PHF21A: variants seen among roughly 807,000 people sequenced by gnomAD.
PHF21A encodes the protein BHC80a.
A neutral mutation model predicts 82.5 loss-of-function variants in PHF21A; 11 were observed. The ratio of observed to expected loss-of-function variants is 0.13; its 90% CI spans 0.08 to 0.22. The LOEUF is 0.22. Ranked by LOEUF, PHF21A falls within the 10% of genes least tolerant of loss-of-function variation. The pLI is 1.00. For synonymous variants in PHF21A, 297 were observed against 302.8 expected, an observed-to-expected ratio of 0.98 and a Z score of 0.20; for missense variants, 579 against 837.8, an observed-to-expected ratio of 0.69 and a Z score of 3.81.
At chr11:46,106,268 A>C (rs1014691340) in intron 1 of PHF21A, among the ~76,000 whole-genome samples, 2 of 152,192 alleles carry the variant, frequency 1.3e-5, no homozygotes, top group Non-Finnish European at 2.9e-5. Flanking sequence ...CTTTATACCA[A>C]GTTGTCAATT....
At chr11:46,100,866 G>C (rs145167196) in intron 1 of PHF21A, among the ~76,000 whole-genome samples, 1 of 152,310 alleles carries the variant, frequency 6.6e-6, no homozygotes, top group East Asian at 1.9e-4. Context: ...CACATAGCAA[G>C]TTTCTAACCA....
intron 1 of PHF21A, among the ~76,000 whole-genome samples, chr11:46,116,226 T>C (rs927623388): frequency 8.5e-5 from 13 of 152,208 alleles, no homozygotes; most frequent in Non-Finnish European, 1.2e-4. Flanking sequence ...TAGATTTGAG[T>C]AGTCATTTCC....
intron 1 of PHF21A, among the ~76,000 whole-genome samples, chr11:46,099,596 T>C (rs1326619873): frequency 6.7e-6 from 1 of 148,498 alleles, no homozygotes; most frequent in Non-Finnish European, 1.5e-5. Context: ...AAGGGAATGA[T>C]ACTCTTTCAC....
At chr11:46,120,229 T>C (rs1228622232) in intron 1 of PHF21A, among the ~76,000 whole-genome samples, 3 of 146,728 alleles carry the variant, frequency 2.0e-5, no homozygotes, top group Admixed American at 1.3e-4. Context: ...ACAAACAAGA[T>C]GGTTTTCCAA....
intron 9 of PHF21A, among the ~76,000 whole-genome samples, chr11:45,965,824 T>G (rs533793920): frequency 7.2e-5 from 11 of 152,188 alleles, no homozygotes; most frequent in Non-Finnish European, 8.8e-5. Flanking sequence ...CTTTTGATTC[T>G]AAACCCTGAG....
intron 10 of PHF21A, among the ~76,000 whole-genome samples, chr11:45,963,798 G>A (rs1357050227): frequency 6.6e-6 from 1 of 152,126 alleles, no homozygotes; most frequent in Non-Finnish European, 1.5e-5. Flanking sequence ...CAAAACAACA[G>A]GTCCCCACCC....
At chr11:45,936,431 C>A in intron 17 of PHF21A, 63 bp downstream of exon 17, 1 of 924,842 alleles carries the variant, frequency 1.1e-6, no homozygotes. Context: ...AAAACAAATA[C>A]TGCCAGTATT....
At chr11:46,069,560 A>T (rs2096632610) in intron 6 of PHF21A, among the ~76,000 whole-genome samples, 1 of 152,224 alleles carries the variant, frequency 6.6e-6, no homozygotes, top group African/African-American at 2.4e-5. Context: ...GATCTAACTT[A>T]CTTATTTGAC....
At chr11:46,100,463 A>G (rs1262518543) in intron 1 of PHF21A, among the ~76,000 whole-genome samples, 1 of 152,036 alleles carries the variant, frequency 6.6e-6, no homozygotes, top group Non-Finnish European at 1.5e-5. Context: ...TTATTTTAGA[A>G]AGGTTTTGCT....
intron 1 of PHF21A, among the ~76,000 whole-genome samples, chr11:46,106,071 G>A (rs1178069761): frequency 6.6e-6 from 1 of 152,196 alleles, no homozygotes; most frequent in Non-Finnish European, 1.5e-5. Context: ...AATGAAAACA[G>A]GAACTATTGC....
intron 6 of PHF21A, among the ~76,000 whole-genome samples, chr11:46,064,189 T>C (rs1474388734): frequency 6.6e-6 from 1 of 152,198 alleles, no homozygotes; most frequent in Non-Finnish European, 1.5e-5. Context: ...TAATAATCAT[T>C]CACTGTTCAT....
intron 1 of PHF21A, among the ~76,000 whole-genome samples, chr11:46,105,039 C>T (rs2097138619): frequency 6.6e-6 from 1 of 152,180 alleles, no homozygotes; most frequent in African/African-American, 2.4e-5. Context: ...TCAGGCACTT[C>T]TACTAGTTTA....
At chr11:46,012,814 A>G (rs2095437849) in intron 6 of PHF21A, among the ~76,000 whole-genome samples, 1 of 152,170 alleles carries the variant, frequency 6.6e-6, no homozygotes, top group Non-Finnish European at 1.5e-5. Context: ...TCTCATCTTA[A>G]TGATACCCTA....
chr11:46,120,872 C>T (rs952921948), intron 1 of PHF21A, 63 bp downstream of exon 1: 6 of 152,372 alleles, frequency 3.9e-5, no homozygotes, highest in African/African-American at 1.5e-4. Context: ...TAGAGCTACT[C>T]CAGAAAAAAA....
chr11:45,939,693 G>C (rs1430918205), intron 15 of PHF21A, among the ~76,000 whole-genome samples: 2 of 143,360 alleles, frequency 1.4e-5, no homozygotes, highest in Non-Finnish European at 3.0e-5. Flanking sequence ...ACTCAGGTAA[G>C]TCTGCTGGAG....
At position 45,970,022 on chromosome 11, in the gene PHF21A, TA is replaced by T. The variant is rs150297594; in HGVS notation, c.613-119del. The T allele has an allele frequency of 2.0e-3, 1,549 of 759,574 alleles. 15 individuals are homozygous for T. In the African/African-American group the frequency reaches 0.024, roughly 12 times the overall value. The allele number at this position is 759,574 out of a possible 1,614,324, so 47.1% of individuals were successfully genotyped here. A position where few individuals can be genotyped will look rare whatever the true frequency, so the allele number is the denominator to read the frequency against. On this transcript the variant is annotated intron_variant, in intron 8 of 18. Coordinates refer to ENST00000676320, the MANE Select transcript of PHF21A (RefSeq NM_001352027.3). The stretch of plus-strand genomic sequence containing the variant: ...CAATATTTTCTACAAGCTTTCATCG[TA>T]AGTTAATCATCTGAATTAACACTGC...
intron 6 of PHF21A, among the ~76,000 whole-genome samples, chr11:46,060,404 A>G (rs1018199135): frequency 6.6e-6 from 1 of 152,232 alleles, no homozygotes; most frequent in Admixed American, 6.5e-5. Context: ...TAAGAAAGAA[A>G]AAAAGGCAAG....
chr11:46,037,693 G>A (rs1297218694), intron 6 of PHF21A, among the ~76,000 whole-genome samples: 1 of 142,664 alleles, frequency 7.0e-6, no homozygotes, highest in Non-Finnish European at 1.5e-5. Flanking sequence ...TTATCCTTTT[G>A]TAAGTAACTT....
chr11:45,945,228 T>C (rs1407456037), intron 15 of PHF21A, among the ~76,000 whole-genome samples: 1 of 152,232 alleles, frequency 6.6e-6, no homozygotes, highest in African/African-American at 2.4e-5. Context: ...TCAGTGAGTA[T>C]CTGCTGAGTG....
Sources: allele counts gnomAD v4.1 joint callset (sites outside exome capture counted in the v4.1 genomes callset), GRCh38; gene constraint gnomAD v4.1.1; transcripts MANE v1.5; gene names NCBI Gene and HGNC (gene_info 2026-07-23, HGNC 2026-07-21).